The following ZXDC variants were observed in gnomAD, a reference collection of about 807,000 sequenced individuals.
The protein encoded by ZXDC is ZXD family zinc finger C.
A neutral mutation model predicts 63.6 loss-of-function variants in ZXDC; 58 were observed. The observed-to-expected ratio is 0.91, with a 90% CI of 0.74 to 1.13. ZXDC has a LOEUF of 1.13. ZXDC is among the 50% of genes most tolerant of loss of function. The pLI is 0.00. For missense variants in ZXDC, 1,133 were observed against 1,148.9 expected (o/e 0.99, Z 0.20); for synonymous variants, 561 against 496.1 (o/e 1.13, Z -1.74).
At chr3:126,460,921 T>C (rs1934502424) in intron 6 of ZXDC, 1 of 985,264 alleles carries the variant, frequency 1.0e-6, no homozygotes, top group Admixed American at 6.1e-5. Context: ...ATCATTCCCA[T>C]CTAGGTCAGG....
In ZXDC at chr3:126,438,238, G is replaced by GA; in HGVS notation, c.*136_*137insT. The GA allele has an allele frequency of 1.4e-6, 1 of 711,862 alleles. No homozygotes were observed. The allele number at this position is 711,862 out of a possible 1,614,324, so 44.1% of individuals were successfully genotyped here. On this transcript the variant is annotated 3_prime_UTR_variant, in exon 10 of 10. Coordinates refer to ENST00000389709, the MANE Select transcript of ZXDC (RefSeq NM_025112.5). Reference sequence around the variant, plus strand: ...CAAAAGGAAAACATTTTTGATAAATGTACCCAAAAGTCTCAAAAGGGCTAC... The same window carrying GA: ...CAAAAGGAAAACATTTTTGATAAATGATACCCAAAAGTCTCAAAAGGGCTAC...
Position 126,461,591 on chromosome 3 carries a change from C to G in ZXDC, c.2071G>C (p.Glu691Gln). The change falls in exon 6 of 10, where the codon GAG becomes CAG. Residue 691 changes from glutamate (E) to glutamine (Q), a missense_variant. By Grantham distance (29) the Glu-to-Gln change is conservative. Coordinates refer to ENST00000389709, the MANE Select transcript of ZXDC (RefSeq NM_025112.5). ...TCTGTGTCCTGGGCACCGTGCTGCT[C>G]TGCTGGACTGGGCAACGTGGACTGG... Reference protein sequence around the residue: ...LPQSTLPSPAEQHGAQDTELS... With the variant: ...LPQSTLPSPAQQHGAQDTELS... The G allele has an allele frequency of 6.2e-7, 1 of 1,614,184 alleles. No homozygotes were observed. The highest frequency in any genetic ancestry group is 8.5e-7 in the Non-Finnish European group (1 of 1,180,030).
chr3:126,448,785 C>T (rs576701384), intron 7 of ZXDC, among the ~76,000 whole-genome samples: 8 of 152,350 alleles, frequency 5.3e-5, no homozygotes, highest in South Asian at 2.1e-4. Flanking sequence ...GAAACTCCCA[C>T]GGAAGCAGAG....
In ZXDC at chr3:126,450,456, C is replaced by T. The variant is rs1436601029; in HGVS notation, c.2213-8510G>A. On this transcript the variant is annotated intron_variant, in intron 7 of 9. Coordinates refer to ENST00000389709, the MANE Select transcript of ZXDC (RefSeq NM_025112.5). ...ACGGGGCCCACAGGGTATGACAAAG[C>T]CCCTGCATCCTCAAAGATGCCCTCA... The T allele has an allele frequency of 1.1e-5, 5 of 456,598 alleles. No individual in the cohort carries two copies. In the Admixed American group the frequency reaches 1.2e-4, roughly 11 times the overall value. The allele number at this position is 456,598 out of a possible 1,614,324, so 28.3% of individuals were successfully genotyped here. A position where few individuals can be genotyped will look rare whatever the true frequency, so the allele number is the denominator to read the frequency against.
chr3:126,461,859 C>A lies in ZXDC; in HGVS notation c.1803G>T (p.Val601=), dbSNP rs367640578. Residue 601 remains valine (V), a synonymous_variant, in exon 6 of 10, where the codon GTG becomes GTT. Transcript: ENST00000389709. The stretch of plus-strand genomic sequence containing the variant: ...CTAATGCTCCTGCACTCACAGTCTG[C>A]ACGTCATCCACACTGAAGCTGCCCT... ...LQQGSFSVDD[V]QTVSAGALGC... 5.1e-5 allele frequency: 83 copies of A among 1,614,080 alleles called. No homozygotes were observed. Among genetic ancestry groups the A allele is most frequent in the Non-Finnish European group, 6.9e-5 (81 of 1,180,044 alleles).
rs1560085507 is a variant in ZXDC at position 126,437,767 on chromosome 3, G to A, written c.*608C>T. 1 of 152,260 alleles carries A rather than the reference G, an allele frequency of 6.6e-6. No individual in the cohort carries two copies. Among genetic ancestry groups the A allele is most frequent in the Non-Finnish European group, 1.5e-5 (1 of 68,182 alleles). The allele number at this position is 152,260 out of a possible 1,614,324, so 9.4% of individuals were successfully genotyped here. On this transcript the variant is annotated 3_prime_UTR_variant, in exon 10 of 10. Coordinates refer to ENST00000389709, the MANE Select transcript of ZXDC (RefSeq NM_025112.5). ...GCTATGAATTTAGTCTGGGAAGAGGGCTCCGTAATAGGCCACTGAGGTCCT... is the reference window on the plus strand; with the variant it reads ...GCTATGAATTTAGTCTGGGAAGAGGACTCCGTAATAGGCCACTGAGGTCCT...
intron 1 of ZXDC, among the ~76,000 whole-genome samples, chr3:126,473,667 G>C (rs1281860756): frequency 6.6e-6 from 1 of 152,228 alleles, no homozygotes; most frequent in African/African-American, 2.4e-5. Context: ...GAATGCGCAA[G>C]ACAGTCCACA....
chr3:126,438,922 C>T (rs182258033), intron 9 of ZXDC, among the ~76,000 whole-genome samples: 5 of 152,258 alleles, frequency 3.3e-5, no homozygotes, highest in South Asian at 2.1e-4. Context: ...CTCCGGGCTA[C>T]GGTGATTATG....
chr3:126,459,337 T>G (rs968182902), intron 7 of ZXDC: 55 of 985,310 alleles, frequency 5.6e-5, no homozygotes, highest in Non-Finnish European at 6.0e-5. Flanking sequence ...CCAGGCACAA[T>G]CTCTGCTTTC....
chr3:126,460,448 A>C (rs1346100205), intron 6 of ZXDC: 1 of 984,656 alleles, frequency 1.0e-6, no homozygotes, highest in Non-Finnish European at 1.2e-6. Flanking sequence ...GCTAGCAAGA[A>C]AATGAACACG....
intron 7 of ZXDC, chr3:126,452,676 G>T: frequency 1.8e-6 from 1 of 554,122 alleles, no homozygotes; most frequent in Non-Finnish European, 2.3e-6. Flanking sequence ...TATATTGCCA[G>T]ATCCTAAGTG....
chr3:126,447,221 G>A (rs1933916392), intron 7 of ZXDC, among the ~76,000 whole-genome samples: 1 of 152,216 alleles, frequency 6.6e-6, no homozygotes, highest in Admixed American at 6.5e-5. Flanking sequence ...AATAAAGTAT[G>A]TAAGTGAACA....
intron 7 of ZXDC, chr3:126,455,054 C>A: frequency 1.0e-6 from 1 of 985,422 alleles, no homozygotes; most frequent in Non-Finnish European, 1.2e-6. Context: ...GACCCGATTC[C>A]ATTAACAGTC....
intron 4 of ZXDC, among the ~76,000 whole-genome samples, chr3:126,467,951 T>C (rs997497285): frequency 6.6e-6 from 1 of 152,166 alleles, no homozygotes; most frequent in African/African-American, 2.4e-5. Flanking sequence ...GCTAATTCCA[T>C]AGGCAAAAAA....
intron 4 of ZXDC, among the ~76,000 whole-genome samples, chr3:126,467,226 G>A (rs1934807895): frequency 6.6e-6 from 1 of 152,134 alleles, no homozygotes; most frequent in South Asian, 2.1e-4. Context: ...CGCAGGAGCT[G>A]CCCAGCCAAG....
intron 7 of ZXDC, chr3:126,455,246 TTAGA>T (rs572909256): frequency 1.3e-3 from 296 of 226,434 alleles, no homozygotes; most frequent in African/African-American, 6.1e-3. Flanking sequence ...TTGATCCCAC[TTAGA>T]TATATTTTGC....
rs185945787 is a variant in ZXDC at position 126,439,849 on chromosome 3, C to T, written c.2395-122G>A. 5.5e-5 allele frequency: 79 copies of T among 1,448,704 alleles called. No individual in the cohort carries two copies. In the Admixed American group the frequency reaches 6.4e-4, roughly 12 times the overall value. 89.7% of individuals were successfully genotyped at this position (1,448,704 alleles called of 1,614,324 possible). On this transcript the variant is annotated intron_variant, in intron 8 of 9. Transcript: ENST00000389709. ...GCAGAACCAGCCCACCCCCTGTATT[C>T]CAAGGGAGGCCCGAGGACCCAGCAG... is the stretch of plus-strand genomic sequence containing the variant.
At chr3:126,451,327 A>G in intron 7 of ZXDC, 1 of 985,408 alleles carries the variant, frequency 1.0e-6, no homozygotes, top group South Asian at 4.7e-5. Context: ...ACAAATATGA[A>G]CTTACTGAAA....
intron 5 of ZXDC, 33 bp from the exon 6 acceptor site, chr3:126,462,253 T>C (rs1280385632): frequency 1.3e-6 from 2 of 1,554,348 alleles, no homozygotes; most frequent in Non-Finnish European, 1.7e-6. Context: ...CTGGTTACTT[T>C]ATGACCTTGA....
Sources: gnomAD v4.1 joint callset for allele counts (sites outside exome capture counted in the v4.1 genomes callset) on GRCh38, gnomAD v4.1.1 for gene constraint, MANE v1.5 for transcripts, NCBI Gene and HGNC (gene_info 2026-07-23, HGNC 2026-07-21) for gene names.